The following BBS9 variants were observed in gnomAD, a reference collection of about 807,000 sequenced individuals.
The protein encoded by BBS9 is Bardet-Biedl syndrome 9.
Under a neutral mutation model 117.7 loss-of-function variants are expected in BBS9, and 89 were observed. The ratio of observed to expected loss-of-function variants is 0.76; its 90% confidence interval spans 0.64 to 0.90. The LOEUF is 0.90. Among genes scored for constraint, BBS9 ranks in the 40% least tolerant of loss-of-function variants. BBS9 has a pLI of 0.00. For synonymous variants in BBS9, 379 were observed against 370.9 expected (o/e 1.02, Z -0.25); for missense variants, 982 against 1,042.2 (o/e 0.94, Z 0.80).
chr7:33,206,437 T>C (rs1786938028), intron 5 of BBS9, among the ~76,000 whole-genome samples: 1 of 152,166 alleles, frequency 6.6e-6, no homozygotes, highest in Non-Finnish European at 1.5e-5. Context: ...CATTATTATA[T>C]TTCCTTTCTT....
At chr7:33,484,088 C>T (rs1842808879) in intron 19 of BBS9, among the ~76,000 whole-genome samples, 1 of 152,180 alleles carries the variant, frequency 6.6e-6, no homozygotes, top group African/African-American at 2.4e-5. Context: ...ACTTATTGAG[C>T]TGAGACCTAA....
At chr7:33,222,134 T>C (rs1202285307) in intron 5 of BBS9, among the ~76,000 whole-genome samples, 5 of 152,202 alleles carry the variant, frequency 3.3e-5, no homozygotes, top group Non-Finnish European at 7.4e-5. Context: ...ATGAAACTTT[T>C]AAATTTCATG....
chr7:33,634,822 T>C (rs963775551), intron 21 of BBS9, among the ~76,000 whole-genome samples: 1 of 152,094 alleles, frequency 6.6e-6, no homozygotes, highest in African/African-American at 2.4e-5. Flanking sequence ...TGAAGGAGGA[T>C]GAGTAGGCCC....
chr7:33,482,640 G>A (rs751920622), intron 19 of BBS9, among the ~76,000 whole-genome samples: 1 of 152,170 alleles, frequency 6.6e-6, no homozygotes, highest in Non-Finnish European at 1.5e-5. Flanking sequence ...TTAAGAGTTA[G>A]CCTTAAATTT....
At chr7:33,225,040 A>T (rs978476306) in intron 5 of BBS9, among the ~76,000 whole-genome samples, 5 of 152,218 alleles carry the variant, frequency 3.3e-5, no homozygotes, top group African/African-American at 4.8e-5. Context: ...AGAAAGGCAG[A>T]ATAAATGCTT....
intron 7 of BBS9, among the ~76,000 whole-genome samples, chr7:33,266,733 A>G (rs73309326): frequency 0.085 from 12,835 of 151,660 alleles, 581 homozygotes; most frequent in South Asian, 0.13. Context: ...GTCTATCTAT[A>G]TCTATATTTA....
In BBS9 at chr7:33,407,880, C is replaced by G. The variant is rs1830336854; in HGVS notation, c.2115+19736C>G. ...CCTCCCAGTTAGGCTGCTCGTGGGT[C>G]AGGGGTCAGGGACCCACTAGAGGAG... On this transcript the variant is annotated intron_variant, in intron 19 of 22. Transcript: ENST00000242067. Among the ~76,000 whole-genome samples, 4 of 152,256 alleles carry G rather than the reference C, an allele frequency of 2.6e-5. No homozygotes were observed. The South Asian group carries it at 8.3e-4, about 31-fold the overall frequency.
intron 9 of BBS9, among the ~76,000 whole-genome samples, chr7:33,288,120 C>T (rs1803250425): frequency 6.6e-6 from 1 of 152,134 alleles, no homozygotes; most frequent in Admixed American, 6.6e-5. Context: ...CACATGCGCA[C>T]TAGGAGGATG....
intron 5 of BBS9, among the ~76,000 whole-genome samples, chr7:33,229,980 G>C (rs1478345091): frequency 6.6e-6 from 1 of 152,092 alleles, no homozygotes; most frequent in East Asian, 1.9e-4. Context: ...ATCTCATAGT[G>C]GTTTTGATTT....
intron 9 of BBS9, among the ~76,000 whole-genome samples, chr7:33,335,103 T>C (rs1475847171): frequency 6.6e-6 from 1 of 152,102 alleles, no homozygotes; most frequent in Non-Finnish European, 1.5e-5. Context: ...TGTTGGGGAG[T>C]TTTAAACATT....
intron 9 of BBS9, among the ~76,000 whole-genome samples, chr7:33,305,709 C>T (rs1807759465): frequency 6.6e-6 from 1 of 151,942 alleles, no homozygotes; most frequent in African/African-American, 2.4e-5. Context: ...GCTCATAGTA[C>T]CTCTAATTAT....
chr7:33,570,863 G>A (rs749367589), intron 21 of BBS9, among the ~76,000 whole-genome samples: 10 of 152,116 alleles, frequency 6.6e-5, no homozygotes, highest in East Asian at 1.9e-4. Context: ...AAAATAATTC[G>A]TCAGTATGCT....
At chr7:33,567,010 A>C (rs1857023560) in intron 21 of BBS9, among the ~76,000 whole-genome samples, 1 of 152,208 alleles carries the variant, frequency 6.6e-6, no homozygotes, top group Admixed American at 6.5e-5. Context: ...GACCAATAAA[A>C]GGAAAGGGAG....
chr7:33,245,244 A>ATT (rs34858408), intron 5 of BBS9, among the ~76,000 whole-genome samples: 10 of 151,976 alleles, frequency 6.6e-5, no homozygotes, highest in Admixed American at 3.9e-4. Flanking sequence ...TATTTCCTAT[A>ATT]TTTTTTATAT....
At chr7:33,610,524 AG>A (rs751761458), downstream of BBS9, among the ~76,000 whole-genome samples, 8 of 152,164 alleles carry the variant, frequency 5.3e-5, no homozygotes, top group Non-Finnish European at 1.2e-4. Flanking sequence ...AGAGAGAAAG[AG>A]GGAGTAGGGG....
At chr7:33,297,073 A>C (rs959253926) in intron 9 of BBS9, among the ~76,000 whole-genome samples, 16 of 152,184 alleles carry the variant, frequency 1.1e-4, no homozygotes, top group African/African-American at 3.9e-4. Context: ...TGAAAGGGAA[A>C]ACATTCTGAT....
chr7:33,403,865 G>A (rs921610817), intron 19 of BBS9, among the ~76,000 whole-genome samples: 6 of 152,040 alleles, frequency 3.9e-5, no homozygotes, highest in African/African-American at 7.2e-5. Flanking sequence ...GGTATTTCTA[G>A]TTCTAGATCC....
At chr7:33,348,527 T>C (rs1818023839) in intron 12 of BBS9, among the ~76,000 whole-genome samples, 1 of 152,216 alleles carries the variant, frequency 6.6e-6, no homozygotes, top group African/African-American at 2.4e-5. Flanking sequence ...ATATTGTTGC[T>C]GTGAACATTT....
intron 19 of BBS9, among the ~76,000 whole-genome samples, chr7:33,439,298 A>T (rs1207637962): frequency 2.6e-5 from 4 of 152,006 alleles, no homozygotes; most frequent in African/African-American, 9.7e-5. Flanking sequence ...TTTTTTAGTG[A>T]TTATGTGAGC....
Sources: gnomAD v4.1 joint callset for allele counts (sites outside exome capture counted in the v4.1 genomes callset) on GRCh38, gnomAD v4.1.1 for gene constraint, MANE v1.5 for transcripts, NCBI Gene and HGNC (gene_info 2026-07-23, HGNC 2026-07-21) for gene names.